IL1RAP: variants seen among roughly 807,000 people sequenced by gnomAD.
The protein encoded by IL1RAP is interleukin-1 receptor accessory protein.
Under a neutral mutation model 60.7 loss-of-function variants are expected in IL1RAP, and 35 were observed. The ratio of observed to expected loss-of-function variants is 0.58; its 90% CI spans 0.44 to 0.76. The LOEUF (loss-of-function observed/expected upper bound fraction) is 0.76, where lower values mean the gene tolerates loss of function less well. IL1RAP is among the 30% of genes least tolerant of loss of function. The pLI, the probability that IL1RAP is intolerant of heterozygous loss-of-function variation, is 0.00. For synonymous variants in IL1RAP, 268 were observed against 250.9 expected, an observed-to-expected ratio of 1.07 and a Z score of -0.64; for missense variants, 572 against 693.9, an observed-to-expected ratio of 0.82 and a Z score of 1.97.
At chr3:190,566,204 G>T (rs1245695196) in intron 3 of IL1RAP, among the ~76,000 whole-genome samples, 2 of 152,122 alleles carry the variant, frequency 1.3e-5, no homozygotes, top group African/African-American at 4.8e-5. Context: ...ACACATAGCA[G>T]ATGCTCAATA....
intron 8 of IL1RAP, among the ~76,000 whole-genome samples, chr3:190,628,344 A>C (rs532155620): frequency 3.9e-5 from 6 of 152,318 alleles, no homozygotes; most frequent in Admixed American, 3.9e-4. Context: ...TCCTTATAAT[A>C]ATAATGAATA....
At chr3:190,542,266 G>T in intron 1 of IL1RAP, among the ~76,000 whole-genome samples, 1 of 152,152 alleles carries the variant, frequency 6.6e-6, no homozygotes, top group South Asian at 2.1e-4. Flanking sequence ...GAAGGAGAAT[G>T]ATGTGAAAGA....
At chr3:190,579,253 A>G (rs1170232398) in intron 3 of IL1RAP, among the ~76,000 whole-genome samples, 2 of 152,206 alleles carry the variant, frequency 1.3e-5, no homozygotes, top group African/African-American at 4.8e-5. Context: ...TTCTCTATGC[A>G]ATAAACATAT....
chr3:190,619,189 G>T (rs887110720), intron 5 of IL1RAP, among the ~76,000 whole-genome samples: 2 of 152,102 alleles, frequency 1.3e-5, no homozygotes, highest in Non-Finnish European at 2.9e-5. Context: ...CACAGATAGT[G>T]TATTGATTTT....
At position 190,607,498 on chromosome 3, in the gene IL1RAP, T is replaced by C. The variant is rs554516098; in HGVS notation, c.351-1497T>C. 4.6e-4 allele frequency among the ~76,000 whole-genome samples: 70 copies of C among 152,242 alleles called. No individual in the cohort carries two copies. In the Middle Eastern group the frequency reaches 0.027, roughly 59 times the overall value. Reference sequence around the variant, plus strand: ...TACAGAGGATAAGCGTACGTATCTATAACATAACAATCTAATTTTGAGCTA... The same window carrying C: ...TACAGAGGATAAGCGTACGTATCTACAACATAACAATCTAATTTTGAGCTA... On this transcript the variant is annotated intron_variant, in intron 4 of 11. Coordinates refer to ENST00000447382, the MANE Select transcript of IL1RAP (RefSeq NM_002182.4).
chr3:190,569,406 C>T (rs944428344), intron 3 of IL1RAP, among the ~76,000 whole-genome samples: 6 of 152,160 alleles, frequency 3.9e-5, no homozygotes, highest in Non-Finnish European at 8.8e-5. Flanking sequence ...TGTCCTGTCC[C>T]AGTTGCCCAT....
At chr3:190,529,473 G>A (rs960552366) in intron 1 of IL1RAP, among the ~76,000 whole-genome samples, 1 of 151,412 alleles carries the variant, frequency 6.6e-6, no homozygotes, top group African/African-American at 2.4e-5. Context: ...AGATCACGAG[G>A]TCAAGAGATC....
intron 1 of IL1RAP, among the ~76,000 whole-genome samples, chr3:190,548,010 A>G (rs1724533776): frequency 1.3e-5 from 2 of 152,058 alleles, no homozygotes; most frequent in African/African-American, 4.8e-5. Context: ...GATGCTTTCT[A>G]TTGAGCCAAT....
chr3:190,583,610 C>T (rs1023539522), intron 3 of IL1RAP, among the ~76,000 whole-genome samples: 1 of 152,108 alleles, frequency 6.6e-6, no homozygotes, highest in Non-Finnish European at 1.5e-5. Context: ...ACGCAAGGTA[C>T]GAAGTGGTTA....
intron 3 of IL1RAP, 111 bp downstream of exon 3, chr3:190,564,464 G>T: frequency 1.3e-6 from 1 of 741,756 alleles, no homozygotes; most frequent in South Asian, 1.5e-5. Context: ...CATGTCCATT[G>T]TCTTCTGCGG....
chr3:190,527,863 ACACACAC>A lies in IL1RAP; in HGVS notation c.-89+13645_-89+13651del, dbSNP rs1417159188. ...CACACACACACACACACACACACAC[ACACACAC>A]GAGAATGGTGCCTGATTCATAATTG... is the stretch of plus-strand genomic sequence containing the variant. On this transcript the variant is annotated intron_variant, in intron 1 of 11. Transcript: ENST00000447382. Among the ~76,000 whole-genome samples, 107 of 150,270 alleles carry A rather than the reference ACACACAC, an allele frequency of 7.1e-4. 1 individual carries two copies. The highest frequency in any genetic ancestry group is 2.5e-3 in the African/African-American group (102 of 40,036).
At chr3:190,572,444 AAG>A (rs35084810) in intron 3 of IL1RAP, among the ~76,000 whole-genome samples, 1 of 151,562 alleles carries the variant, frequency 6.6e-6, no homozygotes, top group African/African-American at 2.4e-5. Flanking sequence ...GGGAGAGAGG[AAG>A]AGAGAGAGAG....
intron 5 of IL1RAP, among the ~76,000 whole-genome samples, 192 bp from the exon 6 acceptor site, chr3:190,620,083 A>G (rs1036614843): frequency 6.6e-6 from 1 of 152,162 alleles, no homozygotes; most frequent in Admixed American, 6.5e-5. Flanking sequence ...CATGATCAGA[A>G]AAGATAATGA....
chr3:190,604,058 G>C, intron 3 of IL1RAP, 70 bp from the exon 4 acceptor site: 1 of 1,447,378 alleles, frequency 6.9e-7, no homozygotes, highest in Non-Finnish European at 9.5e-7. Context: ...TGAGGAGAAG[G>C]TGTGTTCTTT....
At chr3:190,575,851 T>C (rs1328366398) in intron 3 of IL1RAP, among the ~76,000 whole-genome samples, 1 of 152,234 alleles carries the variant, frequency 6.6e-6, no homozygotes, top group African/African-American at 2.4e-5. Context: ...CCTTTTGCTG[T>C]AAAGCAGCTA....
chr3:190,654,122 A>G (rs886622976), downstream of IL1RAP, among the ~76,000 whole-genome samples: 5 of 152,050 alleles, frequency 3.3e-5, no homozygotes, highest in Non-Finnish European at 7.4e-5. Context: ...TGTATTTTAA[A>G]CAACAATATT....
chr3:190,656,166 G>C, downstream of IL1RAP: 1 of 1,537,304 alleles, frequency 6.5e-7, no homozygotes, highest in Non-Finnish European at 8.7e-7. Flanking sequence ...AAGCTTTGCG[G>C]TTGGCTCTTC....
At chr3:190,549,626 C>T (rs1193030307) in intron 1 of IL1RAP, among the ~76,000 whole-genome samples, 1 of 152,204 alleles carries the variant, frequency 6.6e-6, no homozygotes, top group Non-Finnish European at 1.5e-5. Context: ...TACCAGTTTG[C>T]ACAGAGAGAG....
At chr3:190,583,007 C>G (rs575556577) in intron 3 of IL1RAP, among the ~76,000 whole-genome samples, 1 of 152,320 alleles carries the variant, frequency 6.6e-6, no homozygotes, top group African/African-American at 2.4e-5. Context: ...CTATTTCACT[C>G]AGCTCAAAAG....
Sources: gnomAD v4.1 joint callset for allele counts (sites outside exome capture counted in the v4.1 genomes callset) on GRCh38, gnomAD v4.1.1 for gene constraint, MANE v1.5 for transcripts, NCBI Gene and HGNC (gene_info 2026-07-23, HGNC 2026-07-21) for gene names.